Variants in ACVRL1 observed in about 807,000 individuals in gnomAD.
ACVRL1 encodes activin A receptor like type 1.
A neutral mutation model predicts 51.9 loss-of-function variants in ACVRL1; 20 were observed. The observed-to-expected ratio is 0.39, with a 90% CI of 0.27 to 0.56. The LOEUF (loss-of-function observed/expected upper bound fraction) is 0.56. Among genes scored for constraint, ACVRL1 ranks in the 20% least tolerant of loss-of-function variants. The probability of loss-of-function intolerance (pLI) is 0.67; values close to 1 mark genes in which losing one functional copy is unlikely to be tolerated. For synonymous variants in ACVRL1, 288 were observed against 280.9 expected (o/e 1.03, Z -0.25); for missense variants, 451 against 670.3 (o/e 0.67, Z 3.61).
intron 8 of ACVRL1, among the ~76,000 whole-genome samples, chr12:51,918,453 C>T (rs940987174): frequency 5.9e-5 from 9 of 152,192 alleles, no homozygotes; most frequent in South Asian, 4.1e-4. Context: ...GGATTTCATG[C>T]AGAGCTCTTA....
chr12:51,913,012 G>T, intron 2 of ACVRL1, 87 bp from the exon 3 acceptor site: 1 of 1,540,300 alleles, frequency 6.5e-7, no homozygotes, highest in Non-Finnish European at 8.7e-7. Context: ...GGGGTCAGAC[G>T]AGAGGGACAG....
rs938661817 is a variant in ACVRL1 at position 51,913,768 on chromosome 12, G to A, written c.523G>A (p.Gly175Arg). ...KASEQGDSML[G>R]DLLDSDCTTG... ...ATCTGAGCAGGGCGACAGCATGTTG[G>A]GGGTATGGGCCTGGGGACCTGGGAC... Residue 175 changes from glycine to arginine, a missense_variant and splice_region_variant, in exon 4 of 10, where the codon GGG becomes AGG. Around this residue, in one of 2 missense-constraint regions of ACVRL1, gnomAD observed 259 missense variants for 453.4 expected, o/e 0.57. Transcript: ENST00000388922. The A allele has an allele frequency of 1.2e-6, 2 of 1,611,344 alleles. No individual in the cohort carries two copies. Among genetic ancestry groups the A allele is most frequent in the South Asian group, 1.1e-5 (1 of 91,056 alleles).
At position 51,917,461 on chromosome 12, in the gene ACVRL1, G is replaced by GT. The variant is rs1241765493; in HGVS notation, c.1246+1229dup. Among the ~76,000 whole-genome samples the GT allele has an allele frequency of 6.6e-6, 1 of 152,350 alleles. No individual in the cohort carries two copies. The highest frequency in any genetic ancestry group is 1.9e-4 in the East Asian group (1 of 5,180). ...GAGGATAGGTGGGTCGTCTAGACTG[G>GT]TGGGAGCATTGTCAACCTTTGAGGA... On this transcript the variant is annotated intron_variant, in intron 8 of 9. Transcript: ENST00000388922. This position sits in a 1 kb window ranked among gnomAD's most constrained non-coding sequence, Gnocchi z 4.2.
chr12:51,915,022 G>T (rs1348271901), intron 6 of ACVRL1, among the ~76,000 whole-genome samples: 1 of 152,084 alleles, frequency 6.6e-6, no homozygotes, highest in Non-Finnish European at 1.5e-5. Context: ...GGGATTACAG[G>T]TGCAAGCCAC....
At chr12:51,919,727 G>A (rs899922753) in intron 9 of ACVRL1, among the ~76,000 whole-genome samples, 4 of 152,100 alleles carry the variant, frequency 2.6e-5, no homozygotes, top group African/African-American at 7.2e-5. Flanking sequence ...GTCTTTGTTT[G>A]TTGCTGTTTT....
chr12:51,916,645 G>A (rs375764179), intron 8 of ACVRL1, among the ~76,000 whole-genome samples: 10 of 152,210 alleles, frequency 6.6e-5, no homozygotes, highest in East Asian at 3.9e-4. Context: ...TGCCATGACC[G>A]TGCGTAGGTT....
At chr12:51,912,245 T>C (rs1172300415) in intron 1 of ACVRL1, 2 of 625,442 alleles carry the variant, frequency 3.2e-6, no homozygotes, top group Non-Finnish European at 2.8e-6. Context: ...CACTTAAACA[T>C]TGCTCTCCAC....
At chr12:51,908,380 C>T (rs1249014953) in intron 1 of ACVRL1, among the ~76,000 whole-genome samples, 20 of 152,242 alleles carry the variant, frequency 1.3e-4, no homozygotes, top group Admixed American at 1.3e-3. Context: ...TGCTCTCACT[C>T]TCTCTATGTA....
intron 1 of ACVRL1, 87 bp from the exon 2 acceptor site, chr12:51,912,383 G>A (rs1429740770): frequency 1.4e-6 from 2 of 1,477,548 alleles, no homozygotes; most frequent in South Asian, 1.2e-5. Context: ...AAAAAACTCT[G>A]TGATTTCCTC....
In ACVRL1 at chr12:51,916,016, G is replaced by A. The variant is rs2139075682; in HGVS notation, c.1049-20G>A. On this transcript the variant is annotated intron_variant, in intron 7 of 9. Coordinates refer to ENST00000388922, the MANE Select transcript of ACVRL1 (RefSeq NM_000020.3). ...CCAGGTTTGGGAGAGGGGCAGGAGT[G>A]ACAGGCCTCACCCCCACAGGCCTGG... is the stretch of plus-strand genomic sequence containing the variant. The A allele has an allele frequency of 2.5e-6, 4 of 1,608,052 alleles. No individual in the cohort carries two copies. Among genetic ancestry groups the A allele is most frequent in the Non-Finnish European group, 2.6e-6 (3 of 1,175,830 alleles).
At position 51,919,082 on chromosome 12, in the gene ACVRL1, C is replaced by T; in HGVS notation, c.1344C>T (p.Thr448=). 6.2e-7 allele frequency: 1 copy of T among 1,613,766 alleles called. No homozygotes were observed. Among genetic ancestry groups the T allele is most frequent in the Non-Finnish European group, 8.5e-7 (1 of 1,179,910 alleles). ...AGGTGGTGTGTGTGGATCAGCAGAC[C>T]CCCACCATCCCTAACCGGCTGGCTG... ...MKKVVCVDQQ[T]PTIPNRLAAD... The change falls in exon 9 of 10, where the codon ACC becomes ACT. Residue 448 remains threonine, a synonymous_variant. Coordinates refer to ENST00000388922, the MANE Select transcript of ACVRL1 (RefSeq NM_000020.3).
rs554997298 is a variant in ACVRL1 at position 51,917,518 on chromosome 12, G to C, written c.1246+1285G>C. ...CCATGGTGAGGGACTTCCAGGAGTCGTGACAGGTTGGGGACAATCCTCAGG... is the reference window on the plus strand; with the variant it reads ...CCATGGTGAGGGACTTCCAGGAGTCCTGACAGGTTGGGGACAATCCTCAGG... On this transcript the variant is annotated intron_variant, in intron 8 of 9. Coordinates refer to ENST00000388922, the MANE Select transcript of ACVRL1 (RefSeq NM_000020.3). This position sits in a 1 kb window ranked among gnomAD's most constrained non-coding sequence, Gnocchi z 4.2. Among the ~76,000 whole-genome samples, 1 of 152,292 alleles carries C rather than the reference G, an allele frequency of 6.6e-6. No homozygotes were observed. Among genetic ancestry groups the C allele is most frequent in the East Asian group, 1.9e-4 (1 of 5,174 alleles).
chr12:51,921,122 T>C lies in ACVRL1; in HGVS notation c.*229T>C. The C allele has an allele frequency of 3.5e-6, 2 of 576,372 alleles. No individual in the cohort carries two copies. The highest frequency in any genetic ancestry group is 3.1e-6 in the Non-Finnish European group (1 of 321,784). 35.7% of individuals were successfully genotyped at this position (576,372 alleles called of 1,614,324 possible). On this transcript the variant is annotated 3_prime_UTR_variant, in exon 10 of 10. Transcript: ENST00000388922. ...CGGCAGGCTCCCTGACGCCTGGCTC[T>C]CTCCCCACCCCTATGGCCAGCATGG...
chr12:51,916,939 A>C (rs944906110), intron 8 of ACVRL1, among the ~76,000 whole-genome samples: 1 of 152,214 alleles, frequency 6.6e-6, no homozygotes, highest in Admixed American at 6.5e-5. Context: ...ATGCCACTGC[A>C]CTCCAGTCTG....
chr12:51,913,112 G>A lies in ACVRL1; in HGVS notation c.75G>A (p.Lys25=). ...TGTGTCTTCCAGGAGACCCTGTGAA[G>A]CCGTCTCGGGGCCCGCTGGTGACCT... ...MALVTQGDPV[K]PSRGPLVTCT... The change falls in exon 3 of 10, where the codon AAG becomes AAA. Residue 25 remains lysine, a synonymous_variant. Coordinates refer to ENST00000388922, the MANE Select transcript of ACVRL1 (RefSeq NM_000020.3). 6.2e-7 allele frequency: 1 copy of A among 1,604,934 alleles called. No individual in the cohort carries two copies. The highest frequency in any genetic ancestry group is 8.5e-7 in the Non-Finnish European group (1 of 1,179,222).
Position 51,921,546 on chromosome 12 carries a change from C to CT in ACVRL1, c.*653_*654insT. On this transcript the variant is annotated 3_prime_UTR_variant, in exon 10 of 10. Coordinates refer to ENST00000388922, the MANE Select transcript of ACVRL1 (RefSeq NM_000020.3). Reference sequence around the variant, plus strand: ...AGGTCCTACTGAGGTGTGGCAGGATCACAGGCCAGTGGAAAAAGGGCAGGT... The same window carrying CT: ...AGGTCCTACTGAGGTGTGGCAGGATCTACAGGCCAGTGGAAAAAGGGCAGGT... 6.3e-6 allele frequency: 1 copy of CT among 159,826 alleles called. No individual in the cohort carries two copies. Among genetic ancestry groups the CT allele is most frequent in the South Asian group, 1.8e-4 (1 of 5,606 alleles). 9.9% of individuals were successfully genotyped at this position (159,826 alleles called of 1,614,324 possible).
intron 2 of ACVRL1, 152 bp from the exon 3 acceptor site, chr12:51,912,947 G>A (rs2139063731): frequency 1.7e-6 from 2 of 1,204,736 alleles, no homozygotes; most frequent in East Asian, 2.6e-5. Flanking sequence ...GGGTTCTGAG[G>A]GAAGGATGAC....
chr12:51,912,606 T>C, intron 2 of ACVRL1, 71 bp downstream of exon 2: 1 of 1,328,848 alleles, frequency 7.5e-7, no homozygotes, highest in Non-Finnish European at 1.1e-6. Context: ...CCAGATCAGC[T>C]CTGCCTGGGG....
At chr12:51,913,022 G>A (rs952517550) in intron 2 of ACVRL1, 77 bp from the exon 3 acceptor site, 4 of 1,556,398 alleles carry the variant, frequency 2.6e-6, no homozygotes, top group Non-Finnish European at 3.5e-6. Flanking sequence ...GAGAGGGACA[G>A]TAGGACAGAA....
Sources: gnomAD v4.1 joint callset for allele counts (sites outside exome capture counted in the v4.1 genomes callset) on GRCh38, gnomAD v4.1.1 for gene constraint, gnomAD v4.1.1 regional missense constraint, Gnocchi (gnomAD v3.1) non-coding constraint, MANE v1.5 for transcripts, NCBI Gene and HGNC (gene_info 2026-07-23, HGNC 2026-07-21) for gene names.